POTEC: variants seen among roughly 807,000 people sequenced by gnomAD.
POTEC encodes the protein POTE ankyrin domain family member C, also known as ANKRD26-like family B member 2.
POTEC carries 35 observed loss-of-function variants against 62.0 expected under a neutral mutation model. That is an observed-to-expected ratio of 0.56 (90% confidence interval 0.43 to 0.75). The LOEUF is 0.75. Ranked by LOEUF, POTEC falls within the 30% of genes least tolerant of loss-of-function variation. The pLI is 0.00. For missense variants in POTEC, 472 were observed against 655.9 expected (o/e 0.72, Z 3.06); for synonymous variants, 156 against 221.5 (o/e 0.70, Z 2.62).
At chr18:14,520,164 T>C (rs1910274355) in intron 9 of POTEC, among the ~76,000 whole-genome samples, 1 of 152,192 alleles carries the variant, frequency 6.6e-6, no homozygotes, top group African/African-American at 2.4e-5. Flanking sequence ...TCCACAGTCA[T>C]GGAAAAGTAA....
intron 9 of POTEC, among the ~76,000 whole-genome samples, chr18:14,514,892 G>A (rs1309494047): frequency 6.6e-6 from 1 of 152,034 alleles, no homozygotes; most frequent in Admixed American, 6.6e-5. Context: ...CCAATGAATA[G>A]TACCACTATA....
intron 6 of POTEC, chr18:14,528,692 T>C (rs1182605217): frequency 4.6e-6 from 1 of 218,174 alleles, no homozygotes; most frequent in Non-Finnish European, 9.4e-6. Flanking sequence ...AAAACAACTC[T>C]GGTTCCTACT....
Position 14,543,220 on chromosome 18 carries a change from G to A in POTEC, c.-74C>T. Reference sequence around the variant, plus strand: ...TACCAACCAGTTTCACCAACTAGCAGGAAACCCTGGGTTTCCAATCTGTTT... The same window carrying A: ...TACCAACCAGTTTCACCAACTAGCAAGAAACCCTGGGTTTCCAATCTGTTT... On this transcript the variant is annotated 5_prime_UTR_variant, in exon 1 of 11. Transcript: ENST00000358970. 1.3e-6 allele frequency: 2 copies of A among 1,585,168 alleles called. No homozygotes were observed. Among genetic ancestry groups the A allele is most frequent in the Non-Finnish European group, 1.7e-6 (2 of 1,161,358 alleles).
At chr18:14,541,124 C>T (rs1380068604) in intron 1 of POTEC, among the ~76,000 whole-genome samples, 1 of 152,160 alleles carries the variant, frequency 6.6e-6, no homozygotes, top group African/African-American at 2.4e-5. Context: ...CTCCTGACCT[C>T]GTGATCCACC....
chr18:14,507,792 G>C lies in POTEC; in HGVS notation c.*4106C>G, dbSNP rs1366266786. ...GGTCTGGTGATAACGAATTCCCTCA[G>C]CATTTGCTTGTCTGAAAACGATCTT... On this transcript the variant is annotated 3_prime_UTR_variant, in exon 11 of 11. Transcript: ENST00000358970. The C allele has an allele frequency of 1.3e-5, 2 of 152,166 alleles. No homozygotes were observed. The highest frequency in any genetic ancestry group is 4.1e-4 in the South Asian group (2 of 4,828). 9.4% of individuals were successfully genotyped at this position (152,166 alleles called of 1,614,324 possible). A position where few individuals can be genotyped will look rare whatever the true frequency, so the allele number is the denominator to read the frequency against.
intron 1 of POTEC, among the ~76,000 whole-genome samples, chr18:14,540,074 T>C (rs188140254): frequency 1.4e-5 from 2 of 142,276 alleles, no homozygotes; most frequent in East Asian, 2.4e-4. Context: ...TTCATAAATA[T>C]ATAACTAAAC....
At chr18:14,519,457 C>T (rs980296569) in intron 9 of POTEC, among the ~76,000 whole-genome samples, 2 of 152,132 alleles carry the variant, frequency 1.3e-5, no homozygotes, top group Non-Finnish European at 2.9e-5. Flanking sequence ...TGGCTCACAC[C>T]TGTAATCCCA....
intron 7 of POTEC, among the ~76,000 whole-genome samples, chr18:14,523,880 A>G (rs563994434): frequency 6.6e-6 from 1 of 152,134 alleles, no homozygotes; most frequent in Non-Finnish European, 1.5e-5. Flanking sequence ...GATGATTTGT[A>G]GTGTTCCAAA....
At chr18:14,525,823 C>G (rs2143136057) in intron 6 of POTEC, among the ~76,000 whole-genome samples, 1 of 152,218 alleles carries the variant, frequency 6.6e-6, no homozygotes, top group Admixed American at 6.5e-5. Context: ...CTACTGACAC[C>G]TTTGTTAGTG....
Position 14,508,526 on chromosome 18 carries a change from C to A in POTEC, c.*3372G>T, listed in dbSNP as rs1424363809. 6.6e-6 allele frequency: 1 copy of A among 152,652 alleles called. No individual in the cohort carries two copies. Among genetic ancestry groups the A allele is most frequent in the Non-Finnish European group, 1.5e-5 (1 of 68,042 alleles). 9.5% of individuals were successfully genotyped at this position (152,652 alleles called of 1,614,324 possible). A position where few individuals can be genotyped will look rare whatever the true frequency, so the allele number is the denominator to read the frequency against. Reference sequence around the variant, plus strand: ...GCAATCACACACAATCACCATGTGACTACATTATGAAAATTCTTCTAGTGT... The same window carrying A: ...GCAATCACACACAATCACCATGTGAATACATTATGAAAATTCTTCTAGTGT... On this transcript the variant is annotated 3_prime_UTR_variant, in exon 11 of 11. Transcript: ENST00000358970.
At position 14,508,875 on chromosome 18, in the gene POTEC, T is replaced by C. The variant is rs575652465; in HGVS notation, c.*3023A>G. On this transcript the variant is annotated 3_prime_UTR_variant, in exon 11 of 11. Coordinates refer to ENST00000358970, the MANE Select transcript of POTEC (RefSeq NM_001137671.2). ...TTATGGGCTTATCCATCTTCAATCT[T>C]TGAGGTTGCTGACCTTTGGACAGGG... 2.6e-5 allele frequency: 4 copies of C among 152,358 alleles called. No individual in the cohort carries two copies. The South Asian group carries it at 8.3e-4, about 32-fold the overall frequency. The allele number at this position is 152,358 out of a possible 1,614,324, so 9.4% of individuals were successfully genotyped here. A position where few individuals can be genotyped will look rare whatever the true frequency, so the allele number is the denominator to read the frequency against.
intron 4 of POTEC, among the ~76,000 whole-genome samples, chr18:14,534,519 G>C (rs1218460020): frequency 6.6e-6 from 1 of 151,890 alleles, no homozygotes; most frequent in Non-Finnish European, 1.5e-5. Flanking sequence ...AGCATATTTA[G>C]TGGAAAAACA....
At chr18:14,516,332 A>ATATACC (rs1567910088) in intron 9 of POTEC, among the ~76,000 whole-genome samples, 4 of 69,632 alleles carry the variant, frequency 5.7e-5, no homozygotes, top group African/African-American at 2.6e-4. Context: ...ATATATATAT[A>ATATACC]TATACCTATA....
At chr18:14,529,813 G>T (rs1207126520) in intron 6 of POTEC, among the ~76,000 whole-genome samples, 1 of 152,092 alleles carries the variant, frequency 6.6e-6, no homozygotes, top group African/African-American at 2.4e-5. Flanking sequence ...AAGTCAGTAA[G>T]AGTGAGACCT....
chr18:14,534,157 G>A (rs1463208267), intron 4 of POTEC, among the ~76,000 whole-genome samples: 2 of 136,902 alleles, frequency 1.5e-5, no homozygotes, highest in African/African-American at 2.8e-5. Context: ...TCCCACCTAT[G>A]AGTGAGAATA....
At chr18:14,517,778 C>T (rs972685817) in intron 9 of POTEC, among the ~76,000 whole-genome samples, 1 of 152,188 alleles carries the variant, frequency 6.6e-6, no homozygotes, top group Non-Finnish European at 1.5e-5. Context: ...AGGAGAAATG[C>T]ATGAACCAGA....
Position 14,542,733 on chromosome 18 carries a change from T to A in POTEC, c.414A>T (p.Glu138Asp). Reference sequence around the variant, plus strand: ...CAGCTCTGTGGAGCTTGTCCAGATCTTCTCGACGGACGTGGTACCTCGGCT... The same window carrying A: ...CAGCTCTGTGGAGCTTGTCCAGATCATCTCGACGGACGTGGTACCTCGGCT... The part of the protein sequence containing the change: ...FMEPRYHVRR[E>D]DLDKLHRAAW... Residue 138 changes from glutamate to aspartate, a missense_variant, in exon 1 of 11, where the codon GAA becomes GAT. Coordinates refer to ENST00000358970, the MANE Select transcript of POTEC (RefSeq NM_001137671.2). The A allele has an allele frequency of 1.2e-6, 2 of 1,613,316 alleles. No individual in the cohort carries two copies. Among genetic ancestry groups the A allele is most frequent in the Non-Finnish European group, 1.7e-6 (2 of 1,179,866 alleles).
intron 9 of POTEC, among the ~76,000 whole-genome samples, chr18:14,518,614 C>T (rs1910229048): frequency 7.1e-6 from 1 of 141,068 alleles, no homozygotes; most frequent in Non-Finnish European, 1.5e-5. Flanking sequence ...CTGGGTAGCA[C>T]ACCGTTCTTC....
chr18:14,518,655 CT>C (rs910451505), intron 9 of POTEC, among the ~76,000 whole-genome samples: 1 of 143,068 alleles, frequency 7.0e-6, no homozygotes, highest in Non-Finnish European at 1.5e-5. Flanking sequence ...TAATGTGTTT[CT>C]TTTTACCCTT....
Sources: allele counts gnomAD v4.1 joint callset (sites outside exome capture counted in the v4.1 genomes callset), GRCh38; gene constraint gnomAD v4.1.1; transcripts MANE v1.5; gene names NCBI Gene and HGNC (gene_info 2026-07-23, HGNC 2026-07-21).